NPHP4: variants seen among roughly 807,000 people sequenced by gnomAD.
NPHP4 encodes nephrocystin 4.
In NPHP4, 151 loss-of-function variants were observed where a neutral mutation model predicts 155.8. The observed-to-expected ratio is 0.97, with a 90% CI of 0.85 to 1.11. The LOEUF (loss-of-function observed/expected upper bound fraction) is 1.11, where lower values mean the gene tolerates loss of function less well. Among genes scored for constraint, NPHP4 ranks in the 50% least tolerant of loss-of-function variants. The probability of loss-of-function intolerance (pLI) is 0.00; values close to 1 mark genes in which losing one functional copy is unlikely to be tolerated. For synonymous variants in NPHP4, 845 were observed against 816.8 expected (o/e 1.03, Z -0.59); for missense variants, 1,956 against 1,925.7 (o/e 1.02, Z -0.29).
intron 1 of NPHP4, among the ~76,000 whole-genome samples, chr1:5,988,412 A>G (rs1215114047): frequency 6.6e-6 from 1 of 152,274 alleles, no homozygotes; most frequent in African/African-American, 2.4e-5. Context: ...GATATTTGCA[A>G]GAATGCAAAA....
In NPHP4 at chr1:5,882,132, C is replaced by G. The variant is rs1380662003; in HGVS notation, c.2486-1893G>C. 6.6e-6 allele frequency: 1 copy of G among 152,252 alleles called. No individual in the cohort carries two copies. Among genetic ancestry groups the G allele is most frequent in the African/African-American group, 2.4e-5 (1 of 41,402 alleles). The allele number at this position is 152,252 out of a possible 1,614,324, so 9.4% of individuals were successfully genotyped here. Reference sequence around the variant, plus strand: ...TGGGAAGGCTGGCTGCCTCCTCCCACGCCCTAGGTGGCAACCAGAAAGGCC... The same window carrying G: ...TGGGAAGGCTGGCTGCCTCCTCCCAGGCCCTAGGTGGCAACCAGAAAGGCC... On this transcript the variant is annotated intron_variant, in intron 18 of 29. Coordinates refer to ENST00000378156, the MANE Select transcript of NPHP4 (RefSeq NM_015102.5). The surrounding 1 kb of genome is among the most constrained non-coding windows in gnomAD (Gnocchi z 5.1).
intron 10 of NPHP4, among the ~76,000 whole-genome samples, chr1:5,930,759 T>C (rs1337283668): frequency 1.3e-5 from 2 of 152,166 alleles, no homozygotes; most frequent in African/African-American, 4.8e-5. Flanking sequence ...TTGGGGAGAG[T>C]GCTCTATAAA....
At chr1:5,953,650 C>A (rs889022631) in intron 6 of NPHP4, among the ~76,000 whole-genome samples, 1 of 152,226 alleles carries the variant, frequency 6.6e-6, no homozygotes, top group African/African-American at 2.4e-5. Context: ...AAAAGGGTCC[C>A]ATCCAGAGGA....
intron 11 of NPHP4, among the ~76,000 whole-genome samples, chr1:5,922,759 C>T (rs1019803826): frequency 1.5e-4 from 22 of 148,314 alleles, no homozygotes; most frequent in African/African-American, 5.4e-4. Context: ...GGCACGGTGG[C>T]ACTGCCTGCA....
chr1:5,981,750 T>A (rs1654742129), intron 2 of NPHP4, among the ~76,000 whole-genome samples: 1 of 152,252 alleles, frequency 6.6e-6, no homozygotes, highest in South Asian at 2.1e-4. Flanking sequence ...TTGATTGATC[T>A]TTGTAAATAA....
intron 10 of NPHP4, among the ~76,000 whole-genome samples, chr1:5,932,037 C>T (rs1304752033): frequency 1.3e-5 from 2 of 151,914 alleles, no homozygotes; most frequent in African/African-American, 4.8e-5. Flanking sequence ...TCGTGCCACG[C>T]ACTCCAGCCA....
At chr1:5,915,972 A>G (rs1436630041) in intron 11 of NPHP4, among the ~76,000 whole-genome samples, 2 of 152,192 alleles carry the variant, frequency 1.3e-5, no homozygotes, top group African/African-American at 2.4e-5. Flanking sequence ...GCAGCACAGC[A>G]GGCACCACGG....
intron 9 of NPHP4, among the ~76,000 whole-genome samples, chr1:5,943,547 G>A (rs547290803): frequency 3.5e-4 from 53 of 152,266 alleles, no homozygotes; most frequent in African/African-American, 1.2e-3. Context: ...CCAGCATTAC[G>A]AATGTGTGAT....
At chr1:5,884,084 C>T (rs868498890) in intron 18 of NPHP4, among the ~76,000 whole-genome samples, 5 of 152,316 alleles carry the variant, frequency 3.3e-5, no homozygotes, top group East Asian at 1.9e-4. Context: ...AGGGAACAAG[C>T]GGCAAAGGCA....
chr1:5,894,076 T>C (rs967565168), intron 16 of NPHP4, among the ~76,000 whole-genome samples: 1 of 152,240 alleles, frequency 6.6e-6, no homozygotes, highest in Non-Finnish European at 1.5e-5. Context: ...AAGATCTATA[T>C]CTGGTATAAC....
At chr1:5,863,744 A>C (rs910469814) in intron 29 of NPHP4, 146 bp downstream of exon 29, 7 of 828,024 alleles carry the variant, frequency 8.5e-6, no homozygotes, top group Non-Finnish European at 1.4e-5. Flanking sequence ...GGGCCCACCC[A>C]ACTATGGGAT....
rs752513602 is a variant in NPHP4 at position 5,905,309 on chromosome 1, C to G, written c.1938G>C (p.Gln646His). Residue 646 changes from glutamine to histidine, a missense_variant, in exon 15 of 30, where the codon CAG becomes CAC. Transcript: ENST00000378156. The surrounding 1 kb of genome is among the most constrained non-coding windows in gnomAD (Gnocchi z 4.0). ...DCLQSNEMVL[Q>H]FLAFSRVAQD... ...GGATTTACCTGCTAAAGGCAAGAAA[C>G]TGTAGCACCATCTCGTTGCTTTGTA... 1 of 1,613,528 alleles carries G rather than the reference C, an allele frequency of 6.2e-7. No homozygotes were observed. The highest frequency in any genetic ancestry group is 1.1e-5 in the South Asian group (1 of 91,072).
At chr1:5,949,917 C>T (rs1647629903) in intron 7 of NPHP4, among the ~76,000 whole-genome samples, 1 of 152,138 alleles carries the variant, frequency 6.6e-6, no homozygotes, top group Admixed American at 6.5e-5. Flanking sequence ...GACCAAACCA[C>T]GTGCATCTTG....
chr1:5,895,561 G>A (rs1644353977), intron 16 of NPHP4, among the ~76,000 whole-genome samples: 1 of 152,124 alleles, frequency 6.6e-6, no homozygotes, highest in Non-Finnish European at 1.5e-5. Flanking sequence ...ACATCTATGG[G>A]ACTGTAAAAA....
chr1:5,949,198 A>G (rs4908603), intron 7 of NPHP4, among the ~76,000 whole-genome samples: 11,180 of 152,234 alleles, frequency 0.073, 501 homozygotes, highest in Middle Eastern at 0.12. Context: ...CTGACAAACA[A>G]GAAAACAGCA....
intron 1 of NPHP4, among the ~76,000 whole-genome samples, chr1:5,990,661 T>C (rs1656108143): frequency 6.6e-6 from 1 of 152,066 alleles, no homozygotes; most frequent in African/African-American, 2.4e-5. Flanking sequence ...ATTATAATAG[T>C]ATTATAGATA....
chr1:5,904,252 T>A (rs926550484), intron 16 of NPHP4, among the ~76,000 whole-genome samples: 4 of 152,332 alleles, frequency 2.6e-5, no homozygotes, highest in Admixed American at 6.5e-5. Context: ...CTAGCAAAAT[T>A]TTAACATTGG....
chr1:5,902,300 T>C (rs1214540501), intron 16 of NPHP4, among the ~76,000 whole-genome samples: 2 of 152,146 alleles, frequency 1.3e-5, no homozygotes, highest in African/African-American at 4.8e-5. Flanking sequence ...TCACCCCAGG[T>C]GCAAAGCCTG....
At chr1:5,927,234 A>T (rs761552418) in intron 11 of NPHP4, among the ~76,000 whole-genome samples, 1 of 152,222 alleles carries the variant, frequency 6.6e-6, no homozygotes, top group Non-Finnish European at 1.5e-5. Context: ...CCACAGACTC[A>T]GATCACACAC....
Sources: allele counts gnomAD v4.1 joint callset (sites outside exome capture counted in the v4.1 genomes callset), GRCh38; gene constraint gnomAD v4.1.1; non-coding constraint Gnocchi (gnomAD v3.1); transcripts MANE v1.5; gene names NCBI Gene and HGNC (gene_info 2026-07-23, HGNC 2026-07-21).